WDR49: variants seen among roughly 807,000 people sequenced by gnomAD.
The protein encoded by WDR49 is WD repeat domain 49.
A neutral mutation model predicts 119.5 loss-of-function variants in WDR49; 107 were observed. The observed-to-expected ratio is 0.90, with a 90% CI of 0.77 to 1.05. The LOEUF (loss-of-function observed/expected upper bound fraction) is 1.05, where lower values mean the gene tolerates loss of function less well. Ranked by LOEUF, WDR49 falls within the 50% of genes least tolerant of loss-of-function variation. The pLI, the probability that WDR49 is intolerant of heterozygous loss-of-function variation, is 0.00. For synonymous variants in WDR49, 425 were observed against 418.8 expected (o/e 1.01, Z -0.18); for missense variants, 1,240 against 1,220.5 (o/e 1.02, Z -0.24).
At chr3:167,621,719 ACTCT>A in intron 3 of WDR49, 76 bp from the exon 4 acceptor site, 1 of 1,338,858 alleles carries the variant, frequency 7.5e-7, no homozygotes, top group East Asian at 2.6e-5. Flanking sequence ...CAGACACGCC[ACTCT>A]AATTGCCAAA....
chr3:167,552,161 T>G (rs1712611382), intron 10 of WDR49, among the ~76,000 whole-genome samples: 1 of 151,520 alleles, frequency 6.6e-6, no homozygotes, highest in African/African-American at 2.4e-5. Flanking sequence ...AACTAGAAAA[T>G]AAAAGAATAT....
intron 16 of WDR49, among the ~76,000 whole-genome samples, chr3:167,511,113 G>A (rs1306801471): frequency 6.6e-6 from 1 of 152,134 alleles, no homozygotes; most frequent in South Asian, 2.1e-4. Context: ...CAATTTTATT[G>A]TGTTTGTATA....
At chr3:167,570,612 G>T (rs909694427) in intron 8 of WDR49, among the ~76,000 whole-genome samples, 1 of 152,094 alleles carries the variant, frequency 6.6e-6, no homozygotes, top group Non-Finnish European at 1.5e-5. Context: ...GAATATGATG[G>T]CATAGATAAT....
intron 3 of WDR49, 35 bp from the exon 4 acceptor site, chr3:167,621,678 C>G (rs1021322954): frequency 2.0e-6 from 3 of 1,497,702 alleles, no homozygotes; most frequent in Non-Finnish European, 1.8e-6. Flanking sequence ...GAAAGTAATT[C>G]TGATGGATTT....
chr3:167,482,174 T>A (rs1750739997), intron 18 of WDR49, among the ~76,000 whole-genome samples: 1 of 152,104 alleles, frequency 6.6e-6, no homozygotes, highest in African/African-American at 2.4e-5. Context: ...GAAAAGTATC[T>A]TGCATTAGAT....
chr3:167,543,770 A>G (rs1711990486), intron 10 of WDR49, among the ~76,000 whole-genome samples: 1 of 152,074 alleles, frequency 6.6e-6, no homozygotes, highest in Admixed American at 6.6e-5. Flanking sequence ...TATTCAACAT[A>G]GTACTGGAAG....
At chr3:167,496,919 GAGGTAAA>G (rs67246776) in intron 18 of WDR49, among the ~76,000 whole-genome samples, 21,492 of 151,986 alleles carry the variant, frequency 0.14, 1,841 homozygotes, top group African/African-American at 0.25. Context: ...CTACTAACGA[GAGGTAAA>G]TGTAAAACTC....
intron 10 of WDR49, among the ~76,000 whole-genome samples, chr3:167,549,644 G>T (rs1466612355): frequency 1.3e-5 from 2 of 152,148 alleles, no homozygotes; most frequent in African/African-American, 4.8e-5. Flanking sequence ...TCTGTAGGTT[G>T]CCTGTTCACT....
chr3:167,578,583 G>A (rs1714372941), intron 7 of WDR49, among the ~76,000 whole-genome samples: 1 of 151,670 alleles, frequency 6.6e-6, no homozygotes. Flanking sequence ...AATTTTTTTA[G>A]TCCTATTGTT....
intron 17 of WDR49, among the ~76,000 whole-genome samples, chr3:167,503,411 A>C (rs368322557): frequency 6.6e-6 from 1 of 152,170 alleles, no homozygotes; most frequent in African/African-American, 2.4e-5. Flanking sequence ...GCCACTTCCA[A>C]GATGGTGGTA....
chr3:167,582,116 C>T (rs1273950244), intron 7 of WDR49, among the ~76,000 whole-genome samples: 3 of 151,042 alleles, frequency 2.0e-5, no homozygotes, highest in Non-Finnish European at 4.4e-5. Flanking sequence ...CCCAGCTCAC[C>T]GGGAGCAATC....
chr3:167,654,786 C>G (rs1718542232), upstream of WDR49, among the ~76,000 whole-genome samples: 1 of 151,920 alleles, frequency 6.6e-6, no homozygotes, highest in Admixed American at 6.6e-5. Context: ...GTGATCCCAG[C>G]TACTCGGGAG....
At chr3:167,479,106 T>C in intron 18 of WDR49, 110 bp from the exon 19 acceptor site, 3 of 829,172 alleles carry the variant, frequency 3.6e-6, no homozygotes, top group South Asian at 3.4e-5. Context: ...AAAATCTTTG[T>C]TTCTAAAACA....
chr3:167,545,395 C>T (rs889282847), intron 10 of WDR49, among the ~76,000 whole-genome samples: 4 of 150,608 alleles, frequency 2.7e-5, no homozygotes, highest in Admixed American at 6.7e-5. Flanking sequence ...CAGATGCACA[C>T]GCATGTTTAT....
chr3:167,631,154 A>T (rs1717352733), intron 2 of WDR49, among the ~76,000 whole-genome samples: 1 of 152,068 alleles, frequency 6.6e-6, no homozygotes, highest in African/African-American at 2.4e-5. Flanking sequence ...GTTAGGAGAA[A>T]TAACCTAATG....
chr3:167,583,249 AAT>A (rs2108289952), intron 7 of WDR49, among the ~76,000 whole-genome samples: 1 of 152,226 alleles, frequency 6.6e-6, no homozygotes, highest in Non-Finnish European at 1.5e-5. Flanking sequence ...AAACTCTTTA[AAT>A]TTTAAAATTC....
At chr3:167,550,766 T>G (rs1178050703) in intron 10 of WDR49, among the ~76,000 whole-genome samples, 1 of 149,128 alleles carries the variant, frequency 6.7e-6, no homozygotes, top group East Asian at 1.9e-4. Flanking sequence ...CTAGGAGGTT[T>G]TTTTTTTTTT....
chr3:167,573,373 A>G (rs1161604250), intron 8 of WDR49, among the ~76,000 whole-genome samples: 1 of 149,936 alleles, frequency 6.7e-6, no homozygotes, highest in Non-Finnish European at 1.5e-5. Flanking sequence ...TGAAGAATCC[A>G]AATAGCTTTA....
At chr3:167,552,725 A>T (rs957390971) in intron 10 of WDR49, among the ~76,000 whole-genome samples, 29 of 152,088 alleles carry the variant, frequency 1.9e-4, no homozygotes, top group African/African-American at 7.0e-4. Flanking sequence ...ACCTTCCGAG[A>T]TGATGCTAAG....
Sources: allele counts gnomAD v4.1 joint callset (sites outside exome capture counted in the v4.1 genomes callset), GRCh38; gene constraint gnomAD v4.1.1; transcripts MANE v1.5; gene names NCBI Gene and HGNC (gene_info 2026-07-23, HGNC 2026-07-21).